Variants in RUNDC3B observed in about 807,000 individuals in gnomAD.
The protein encoded by RUNDC3B is RUN domain containing 3B.
In RUNDC3B, 33 loss-of-function variants were observed where a neutral mutation model predicts 58.4. That is an observed-to-expected ratio of 0.56 (90% confidence interval 0.43 to 0.75). RUNDC3B has a LOEUF of 0.75. RUNDC3B is among the 30% of genes least tolerant of loss of function. The probability of loss-of-function intolerance (pLI) is 0.00; values close to 1 mark genes in which losing one functional copy is unlikely to be tolerated. For missense variants in RUNDC3B, 501 were observed against 535.7 expected, an observed-to-expected ratio of 0.94 and a Z score of 0.64; for synonymous variants, 193 against 195.2, an observed-to-expected ratio of 0.99 and a Z score of 0.10.
intron 3 of RUNDC3B, among the ~76,000 whole-genome samples, chr7:87,703,914 G>GTTTTTTTT (rs35797972): frequency 7.4e-3 from 320 of 42,970 alleles, no homozygotes; most frequent in East Asian, 9.2e-3. Context: ...TTTTTTTTTG[G>GTTTTTTTT]TTTTTTTTTT....
chr7:87,819,279 T>G (rs2130956893), intron 10 of RUNDC3B, among the ~76,000 whole-genome samples: 1 of 152,018 alleles, frequency 6.6e-6, no homozygotes, highest in African/African-American at 2.4e-5. Context: ...ACACCAAAGG[T>G]TAGTCTTAGA....
chr7:87,718,013 A>G (rs1321598595), intron 4 of RUNDC3B, among the ~76,000 whole-genome samples: 3 of 152,184 alleles, frequency 2.0e-5, no homozygotes, highest in Non-Finnish European at 4.4e-5. Flanking sequence ...TGGGAATATG[A>G]TATTGATACA....
chr7:87,798,796 G>A (rs1417929122), intron 8 of RUNDC3B, among the ~76,000 whole-genome samples: 2 of 152,122 alleles, frequency 1.3e-5, no homozygotes, highest in African/African-American at 4.8e-5. Context: ...TCAGAGACTT[G>A]TTTAGATTTA....
At chr7:87,658,342 A>G (rs1229980991) in intron 2 of RUNDC3B, among the ~76,000 whole-genome samples, 3 of 152,204 alleles carry the variant, frequency 2.0e-5, no homozygotes, top group Non-Finnish European at 4.4e-5. Flanking sequence ...GAAATTTCCT[A>G]ATCTGAACAA....
chr7:87,745,219 T>G (rs1397122144), intron 6 of RUNDC3B, among the ~76,000 whole-genome samples: 2 of 152,172 alleles, frequency 1.3e-5, no homozygotes, highest in Non-Finnish European at 2.9e-5. Flanking sequence ...TTCAGTTAGC[T>G]AGTATTTTGT....
chr7:87,829,614 T>C (rs544768405), intron 10 of RUNDC3B, among the ~76,000 whole-genome samples: 1 of 152,228 alleles, frequency 6.6e-6, no homozygotes, highest in South Asian at 2.1e-4. Flanking sequence ...ATGTGATGCT[T>C]CTAGCTTTGT....
At chr7:87,805,176 A>G (rs969032593) in intron 8 of RUNDC3B, among the ~76,000 whole-genome samples, 1 of 152,210 alleles carries the variant, frequency 6.6e-6, no homozygotes, top group African/African-American at 2.4e-5. Context: ...ACCCACCACT[A>G]AAGTGAATAA....
chr7:87,661,823 C>T (rs987397238), intron 2 of RUNDC3B, among the ~76,000 whole-genome samples: 2 of 151,782 alleles, frequency 1.3e-5, no homozygotes, highest in African/African-American at 4.8e-5. Context: ...ATGAGAAACC[C>T]CTATACTTTT....
chr7:87,797,902 A>C (rs905525333), intron 8 of RUNDC3B, among the ~76,000 whole-genome samples: 1 of 152,250 alleles, frequency 6.6e-6, no homozygotes, highest in East Asian at 1.9e-4. Context: ...TCAATGTAGC[A>C]AGGAAATCCC....
intron 4 of RUNDC3B, among the ~76,000 whole-genome samples, chr7:87,717,681 A>G (rs1041399591): frequency 6.6e-6 from 1 of 152,112 alleles, no homozygotes; most frequent in Admixed American, 6.6e-5. Flanking sequence ...GGAAAAGAAA[A>G]ATTTATCAAG....
rs1353802297 is a variant in RUNDC3B, at chr7:87,832,219, G to A, written c.*2189G>A. ...CCTCCAAAAGAATGCTGAATTATAC[G>A]CCAATATTTCCATGTGTATTCTGTT... On this transcript the variant is annotated 3_prime_UTR_variant, in exon 11 of 11. Transcript: ENST00000394654. The A allele has an allele frequency of 2.0e-5, 3 of 151,830 alleles. No homozygotes were observed. Among genetic ancestry groups the A allele is most frequent in the Non-Finnish European group, 2.9e-5 (2 of 67,888 alleles). 9.4% of individuals were successfully genotyped at this position (151,830 alleles called of 1,614,324 possible).
chr7:87,646,877 C>G (rs1362007551), intron 1 of RUNDC3B, among the ~76,000 whole-genome samples: 1 of 152,142 alleles, frequency 6.6e-6, no homozygotes, highest in African/African-American at 2.4e-5. Flanking sequence ...TGGCATTTGT[C>G]TAACTTGACT....
At chr7:87,784,346 G>A (rs1419456564) in intron 8 of RUNDC3B, among the ~76,000 whole-genome samples, 1 of 151,892 alleles carries the variant, frequency 6.6e-6, no homozygotes, top group Non-Finnish European at 1.5e-5. Flanking sequence ...GGGGGCTAGT[G>A]TTTCTTTTTC....
chr7:87,794,164 C>T (rs1310268243), intron 8 of RUNDC3B, among the ~76,000 whole-genome samples: 1 of 152,158 alleles, frequency 6.6e-6, no homozygotes, highest in African/African-American at 2.4e-5. Context: ...AGGCCAGACG[C>T]AGTGGCTCAC....
chr7:87,771,554 A>G (rs1322473253), intron 7 of RUNDC3B, among the ~76,000 whole-genome samples: 1 of 152,224 alleles, frequency 6.6e-6, no homozygotes, highest in African/African-American at 2.4e-5. Flanking sequence ...GCTGAGTAGA[A>G]TACAATTTTT....
chr7:87,748,368 T>G (rs950756243), intron 6 of RUNDC3B, among the ~76,000 whole-genome samples: 1 of 152,108 alleles, frequency 6.6e-6, no homozygotes, highest in African/African-American at 2.4e-5. Flanking sequence ...AGCAGTCCAC[T>G]CCTTCAGAGG....
chr7:87,734,003 C>T (rs967585472), intron 4 of RUNDC3B, among the ~76,000 whole-genome samples: 4 of 152,188 alleles, frequency 2.6e-5, no homozygotes, highest in Admixed American at 2.6e-4. Context: ...ATAGACACTT[C>T]TCCAAGGGGG....
At chr7:87,739,066 A>AT (rs1293302719) in intron 4 of RUNDC3B, among the ~76,000 whole-genome samples, 2 of 151,934 alleles carry the variant, frequency 1.3e-5, no homozygotes, top group African/African-American at 4.8e-5. Context: ...AGATTAAATG[A>AT]TTTTACATTC....
intron 6 of RUNDC3B, among the ~76,000 whole-genome samples, chr7:87,743,097 G>A (rs1038519404): frequency 6.7e-6 from 1 of 150,268 alleles, no homozygotes; most frequent in Non-Finnish European, 1.5e-5. Context: ...CTGGGTGACA[G>A]AGCGAGATTC....
Sources: gnomAD v4.1 joint callset for allele counts (sites outside exome capture counted in the v4.1 genomes callset) on GRCh38, gnomAD v4.1.1 for gene constraint, MANE v1.5 for transcripts, NCBI Gene and HGNC (gene_info 2026-07-23, HGNC 2026-07-21) for gene names.